Variants in CACNA2D1 observed in about 807,000 individuals in gnomAD.
CACNA2D1 encodes the protein calcium voltage-gated channel auxiliary subunit alpha2delta 1, also known as voltage-dependent calcium channel subunit alpha-2/delta-1.
Under a neutral mutation model 171.5 loss-of-function variants are expected in CACNA2D1, and 53 were observed. The observed-to-expected ratio is 0.31, with a 90% CI of 0.25 to 0.39. CACNA2D1 has a LOEUF of 0.39. Ranked by LOEUF, CACNA2D1 falls within the 10% of genes least tolerant of loss-of-function variation. The pLI is 1.00. For synonymous variants in CACNA2D1, 442 were observed against 443.1 expected (o/e 1.00, Z 0.03); for missense variants, 903 against 1,299.8 (o/e 0.69, Z 4.69).
chr7:82,016,622 C>CA (rs774063245), intron 12 of CACNA2D1, among the ~76,000 whole-genome samples: 1 of 112,550 alleles, frequency 8.9e-6, no homozygotes, highest in African/African-American at 3.0e-5. Flanking sequence ...CCCCCCCCCC[C>CA]AAAAAAAAAG....
chr7:82,142,854 C>A (rs1792556187), intron 4 of CACNA2D1, among the ~76,000 whole-genome samples: 1 of 152,198 alleles, frequency 6.6e-6, no homozygotes, highest in Non-Finnish European at 1.5e-5. Context: ...CAGCCAACAT[C>A]TACACTGTTT....
intron 1 of CACNA2D1, among the ~76,000 whole-genome samples, chr7:82,432,765 T>C (rs1829801900): frequency 6.6e-6 from 1 of 152,198 alleles, no homozygotes; most frequent in African/African-American, 2.4e-5. Flanking sequence ...ACCACTACTA[T>C]CTGCTTAAAA....
intron 3 of CACNA2D1, among the ~76,000 whole-genome samples, chr7:82,262,356 T>A (rs989365075): frequency 6.6e-6 from 1 of 152,008 alleles, no homozygotes; most frequent in South Asian, 2.1e-4. Flanking sequence ...CATCCATCCA[T>A]CAATCAAACA....
At chr7:82,197,673 C>T (rs998247759) in intron 3 of CACNA2D1, among the ~76,000 whole-genome samples, 2 of 152,070 alleles carry the variant, frequency 1.3e-5, no homozygotes, top group African/African-American at 4.8e-5. Context: ...AGGGACGACA[C>T]AGACAAGTTA....
chr7:81,962,309 T>C lies in CACNA2D1; in HGVS notation c.2836+131A>G, dbSNP rs1794231987. The stretch of plus-strand genomic sequence containing the variant: ...AAAGGTTGGACAAAAAGTTTCTAGC[T>C]CTAAAATTATGAGATGGGTGACCTG... On this transcript the variant is annotated intron_variant, in intron 35 of 38. Coordinates refer to ENST00000356860, the MANE Select transcript of CACNA2D1 (RefSeq NM_000722.4). The C allele has an allele frequency of 9.0e-6, 7 of 774,716 alleles. No individual in the cohort carries two copies. The Admixed American group carries it at 1.4e-4, about 15-fold the overall frequency. The allele number at this position is 774,716 out of a possible 1,614,324, so 48.0% of individuals were successfully genotyped here.
intron 1 of CACNA2D1, among the ~76,000 whole-genome samples, chr7:82,350,900 T>G (rs574236054): frequency 1.3e-5 from 2 of 152,226 alleles, no homozygotes; most frequent in African/African-American, 4.8e-5. Context: ...ATATAAGCTA[T>G]GGATGTCAGG....
chr7:82,428,851 C>T (rs543484004), intron 1 of CACNA2D1, among the ~76,000 whole-genome samples: 1 of 152,264 alleles, frequency 6.6e-6, no homozygotes, highest in East Asian at 1.9e-4. Flanking sequence ...CCTGAATATT[C>T]CCACCATACC....
rs1425396582 is a variant in CACNA2D1 at position 82,378,521 on chromosome 7, GTTA to G, written c.96-28875_96-28873del. 4.6e-5 allele frequency among the ~76,000 whole-genome samples: 7 copies of G among 152,210 alleles called. No homozygotes were observed. The East Asian group carries it at 1.2e-3, about 25-fold the overall frequency. On this transcript the variant is annotated intron_variant, in intron 1 of 38. Transcript: ENST00000356860. ...CTCAGTTTCTTAAAAATTATATTTTGTTATTGTTTTTTAACGATAGAATTTCTT... is the reference window on the plus strand; with the variant it reads ...CTCAGTTTCTTAAAAATTATATTTTGTTGTTTTTTAACGATAGAATTTCTT...
intron 3 of CACNA2D1, among the ~76,000 whole-genome samples, chr7:82,202,427 T>C (rs760755037): frequency 6.6e-6 from 1 of 152,054 alleles, no homozygotes; most frequent in Non-Finnish European, 1.5e-5. Flanking sequence ...GCCATGCAGC[T>C]GAAACATTGG....
At chr7:82,329,341 A>G (rs745920440) in intron 3 of CACNA2D1, among the ~76,000 whole-genome samples, 2 of 152,212 alleles carry the variant, frequency 1.3e-5, no homozygotes, top group African/African-American at 2.4e-5. Flanking sequence ...TAAAGTTACC[A>G]GGACAACCAG....
rs911306454 is a variant in CACNA2D1, at chr7:82,130,272, T to C, written c.396+6363A>G. ...ACCCTAAGATAATAATTCACAAAGA[T>C]TGGCTGTGCCTTCAAGAAGGAGAAA... is the stretch of plus-strand genomic sequence containing the variant. On this transcript the variant is annotated intron_variant, in intron 5 of 38. Transcript: ENST00000356860. Among the ~76,000 whole-genome samples the C allele has an allele frequency of 2.0e-5, 3 of 152,144 alleles. No homozygotes were observed. The South Asian group carries it at 6.2e-4, about 31-fold the overall frequency.
rs777197885 is a variant in CACNA2D1 at position 81,991,246 on chromosome 7, T to G, written c.1735A>C (p.Arg579=). ...FRTLVKSQDE[R]YIDKGNRTYT... ...GTCCTGTTTCCTTTGTCAATATATC[T>G]CTAGAAAGAAGTTTAACGTGGTTAT... is the stretch of plus-strand genomic sequence containing the variant. Residue 579 remains arginine, a splice_region_variant and synonymous_variant, in exon 21 of 39, where the codon AGA becomes CGA. Coordinates refer to ENST00000356860, the MANE Select transcript of CACNA2D1 (RefSeq NM_000722.4). 5.4e-6 allele frequency: 8 copies of G among 1,480,008 alleles called. No individual in the cohort carries two copies. Among genetic ancestry groups the G allele is most frequent in the Admixed American group, 3.3e-5 (2 of 59,852 alleles). 91.7% of individuals were successfully genotyped at this position (1,480,008 alleles called of 1,614,324 possible). A position where few individuals can be genotyped will look rare whatever the true frequency, so the allele number is the denominator to read the frequency against.
chr7:82,410,560 T>G (rs1446356293), intron 1 of CACNA2D1: 1 of 983,618 alleles, frequency 1.0e-6, no homozygotes, highest in Admixed American at 6.2e-5. Context: ...TGATGCCAGG[T>G]GGCTGGCTTG....
chr7:82,361,657 G>A (rs1041661071), intron 1 of CACNA2D1, among the ~76,000 whole-genome samples: 8 of 152,030 alleles, frequency 5.3e-5, no homozygotes, highest in Admixed American at 4.6e-4. Context: ...AAAGCACTTT[G>A]TATAACTAAA....
intron 6 of CACNA2D1, among the ~76,000 whole-genome samples, chr7:82,111,428 G>GTGTATATATATATATA (rs1413914216): frequency 4.0e-5 from 2 of 50,416 alleles, no homozygotes; most frequent in African/African-American, 1.9e-4. Context: ...ATATATGTGT[G>GTGTATATATATATATA]TATATATATA....
At chr7:82,142,396 C>G (rs904721056) in intron 4 of CACNA2D1, among the ~76,000 whole-genome samples, 5 of 152,140 alleles carry the variant, frequency 3.3e-5, no homozygotes, top group African/African-American at 1.2e-4. Flanking sequence ...ACCTTTCCAT[C>G]TTAAAAATGT....
chr7:82,411,300 C>G (rs1221221934), intron 1 of CACNA2D1, among the ~76,000 whole-genome samples: 3 of 152,158 alleles, frequency 2.0e-5, no homozygotes, highest in African/African-American at 7.2e-5. Flanking sequence ...AGCCCTGCCC[C>G]ACTATTACTG....
chr7:82,034,888 G>A (rs1485132566), intron 11 of CACNA2D1, among the ~76,000 whole-genome samples: 1 of 152,034 alleles, frequency 6.6e-6, no homozygotes, highest in Non-Finnish European at 1.5e-5. Flanking sequence ...ATACACAAAA[G>A]AAGGAATATG....
chr7:82,156,532 T>A (rs1364611564), intron 4 of CACNA2D1, among the ~76,000 whole-genome samples: 1 of 152,136 alleles, frequency 6.6e-6, no homozygotes, highest in Admixed American at 6.6e-5. Flanking sequence ...TTAGTCCACT[T>A]ATTTTTAAAA....
Sources: gnomAD v4.1 joint callset for allele counts (sites outside exome capture counted in the v4.1 genomes callset) on GRCh38, gnomAD v4.1.1 for gene constraint, MANE v1.5 for transcripts, NCBI Gene and HGNC (gene_info 2026-07-23, HGNC 2026-07-21) for gene names.